The following NTM variants were observed in gnomAD, a reference collection of about 807,000 sequenced individuals.
The protein encoded by NTM is neurotrimin.
NTM carries 13 observed loss-of-function variants against 42.1 expected under a neutral mutation model. That is an observed-to-expected ratio of 0.31 (90% CI 0.20 to 0.49). NTM has a LOEUF of 0.49. Ranked by LOEUF, NTM falls within the 20% of genes least tolerant of loss-of-function variation. The pLI, the probability that NTM is intolerant of heterozygous loss-of-function variation, is 0.99. For missense variants in NTM, 373 were observed against 452.8 expected, an observed-to-expected ratio of 0.82 and a Z score of 1.60; for synonymous variants, 187 against 179.2, an observed-to-expected ratio of 1.04 and a Z score of -0.35.
chr11:131,500,434 A>C (rs904969702), intron 1 of NTM, among the ~76,000 whole-genome samples: 1 of 151,508 alleles, frequency 6.6e-6, no homozygotes. Context: ...GTCTCACAAC[A>C]GTCCTGCTAG....
chr11:131,479,006 T>A (rs924063716), intron 1 of NTM, among the ~76,000 whole-genome samples: 2 of 152,198 alleles, frequency 1.3e-5, no homozygotes, highest in African/African-American at 4.8e-5. Flanking sequence ...GCAGCACTGA[T>A]TCCTAGTGCC....
intron 1 of NTM, among the ~76,000 whole-genome samples, chr11:131,430,557 C>T (rs748848409): frequency 2.6e-4 from 40 of 152,248 alleles, no homozygotes; most frequent in African/African-American, 7.5e-4. Context: ...GTTAGGAAAA[C>T]GAGAGGAAGC....
chr11:132,281,702 A>G (rs539233977), intron 4 of NTM, among the ~76,000 whole-genome samples: 1 of 152,318 alleles, frequency 6.6e-6, no homozygotes, highest in East Asian at 1.9e-4. Context: ...CTTTCACATC[A>G]TACATGGGTC....
At chr11:131,600,898 C>G (rs77157383) in intron 1 of NTM, among the ~76,000 whole-genome samples, 7,333 of 151,982 alleles carry the variant, frequency 0.048, 584 homozygotes, top group African/African-American at 0.17. Context: ...TAATGAGAAA[C>G]AGTTCCTATT....
At chr11:131,734,232 C>G (rs1743698731) in intron 1 of NTM, among the ~76,000 whole-genome samples, 1 of 152,132 alleles carries the variant, frequency 6.6e-6, no homozygotes, top group South Asian at 2.1e-4. Flanking sequence ...CTGAGGCTGT[C>G]CTTTCAGTGG....
intron 1 of NTM, among the ~76,000 whole-genome samples, chr11:131,726,707 GCT>G (rs2079013591): frequency 6.6e-6 from 1 of 150,994 alleles, no homozygotes; most frequent in African/African-American, 2.5e-5. Flanking sequence ...TCACCCCATT[GCT>G]CTTTTTTGTT....
intron 2 of NTM, among the ~76,000 whole-genome samples, chr11:132,123,254 G>T (rs2065133754): frequency 6.6e-6 from 1 of 152,194 alleles, no homozygotes; most frequent in African/African-American, 2.4e-5. Context: ...CCATGGCAAG[G>T]ACAGAGAAGG....
At chr11:132,234,111 A>T in intron 4 of NTM, among the ~76,000 whole-genome samples, 1 of 152,118 alleles carries the variant, frequency 6.6e-6, no homozygotes, top group East Asian at 1.9e-4. Context: ...GCTTTTTTGG[A>T]GTCATTCTTA....
chr11:131,453,444 A>G (rs529062864), intron 1 of NTM, among the ~76,000 whole-genome samples: 116 of 152,294 alleles, frequency 7.6e-4, no homozygotes, highest in African/African-American at 2.6e-3. Context: ...TTAGGCCACA[A>G]GTATTATTCC....
At chr11:131,945,062 T>G (rs1193745080) in intron 2 of NTM, among the ~76,000 whole-genome samples, 1 of 152,228 alleles carries the variant, frequency 6.6e-6, no homozygotes, top group Non-Finnish European at 1.5e-5. Context: ...TGGTTTTGTT[T>G]TATTTTCCCC....
At chr11:131,882,562 T>C (rs2049707084) in intron 1 of NTM, among the ~76,000 whole-genome samples, 1 of 152,216 alleles carries the variant, frequency 6.6e-6, no homozygotes. Context: ...CACAACATGA[T>C]AGAGAAGTTA....
intron 3 of NTM, among the ~76,000 whole-genome samples, chr11:132,201,458 G>A (rs2081140322): frequency 6.6e-6 from 1 of 152,202 alleles, no homozygotes; most frequent in South Asian, 2.1e-4. Context: ...GAAAGACACA[G>A]CTTAACGAGG....
intron 2 of NTM, among the ~76,000 whole-genome samples, chr11:132,082,953 G>A (rs1215059473): frequency 1.3e-5 from 2 of 152,166 alleles, no homozygotes. Context: ...GGTGGCTATA[G>A]TTATTTCTGC....
intron 1 of NTM, among the ~76,000 whole-genome samples, chr11:131,813,092 T>C (rs73579931): frequency 0.13 from 19,065 of 152,246 alleles, 1,802 homozygotes; most frequent in African/African-American, 0.27. Flanking sequence ...GGAAGTTATG[T>C]TGACAATCAC....
chr11:131,703,815 A>G (rs1156820124), intron 1 of NTM, among the ~76,000 whole-genome samples: 1 of 152,182 alleles, frequency 6.6e-6, no homozygotes, highest in Non-Finnish European at 1.5e-5. Context: ...AGTGAGTAGC[A>G]TACGTTGCTG....
At chr11:131,964,141 A>G (rs575856263) in intron 2 of NTM, among the ~76,000 whole-genome samples, 2 of 152,330 alleles carry the variant, frequency 1.3e-5, no homozygotes, top group East Asian at 3.9e-4. Flanking sequence ...AGAACAGTCC[A>G]GAAGGGTGAG....
At chr11:131,655,194 C>T (rs569523855) in intron 1 of NTM, among the ~76,000 whole-genome samples, 13 of 152,140 alleles carry the variant, frequency 8.5e-5, no homozygotes, top group Non-Finnish European at 1.3e-4. Flanking sequence ...CTTGAGTATG[C>T]GGGTTTTTCA....
chr11:132,286,686 A>T (rs1591755418), intron 4 of NTM, among the ~76,000 whole-genome samples: 1 of 152,190 alleles, frequency 6.6e-6, no homozygotes, highest in East Asian at 1.9e-4. Flanking sequence ...CACCAGAATG[A>T]CCGCATGGCT....
intron 2 of NTM, among the ~76,000 whole-genome samples, chr11:131,996,662 G>C (rs2068091901): frequency 6.6e-6 from 1 of 151,324 alleles, no homozygotes. Context: ...GGTGTCTTGG[G>C]ATTTACAGCT....
Sources: gnomAD v4.1 joint callset for allele counts (sites outside exome capture counted in the v4.1 genomes callset) on GRCh38, gnomAD v4.1.1 for gene constraint, MANE v1.5 for transcripts, NCBI Gene and HGNC (gene_info 2026-07-23, HGNC 2026-07-21) for gene names.